The following PCDH7 variants were observed in gnomAD, a reference collection of about 807,000 sequenced individuals.
PCDH7 encodes the protein protocadherin 7, also known as protocadherin-7.
Under a neutral mutation model 58.9 loss-of-function variants are expected in PCDH7, and 17 were observed. The ratio of observed to expected loss-of-function variants is 0.29; its 90% confidence interval spans 0.20 to 0.43. The LOEUF is 0.43. PCDH7 is among the 20% of genes least tolerant of loss of function. The pLI is 1.00. For synonymous variants in PCDH7, 664 were observed against 616.4 expected, an observed-to-expected ratio of 1.08 and a Z score of -1.14; for missense variants, 1,274 against 1,441.0, an observed-to-expected ratio of 0.88 and a Z score of 1.88.
chr4:30,828,235 C>T (rs1234948300), intron 1 of PCDH7, among the ~76,000 whole-genome samples: 2 of 143,074 alleles, frequency 1.4e-5, no homozygotes, highest in East Asian at 3.9e-4. Flanking sequence ...ACAAAAATTA[C>T]CCTTAGTAAA....
At chr4:30,968,340 C>CTATATATA (rs200973688) in intron 3 of PCDH7, among the ~76,000 whole-genome samples, 2 of 83,478 alleles carry the variant, frequency 2.4e-5, no homozygotes, top group African/African-American at 6.0e-5. Flanking sequence ...TATACACACA[C>CTATATATA]TATATATATA....
intron 1 of PCDH7, among the ~76,000 whole-genome samples, chr4:30,915,604 AC>A (rs748303217): frequency 1.3e-5 from 2 of 151,920 alleles, no homozygotes; most frequent in Non-Finnish European, 2.9e-5. Context: ...GCTCACTGCA[AC>A]CTTTGCCTCC....
At chr4:30,793,074 G>A (rs1044812530) in intron 1 of PCDH7, among the ~76,000 whole-genome samples, 1 of 152,066 alleles carries the variant, frequency 6.6e-6, no homozygotes, top group Non-Finnish European at 1.5e-5. Context: ...AATTTATCAT[G>A]TGGGCCTTTT....
intron 3 of PCDH7, among the ~76,000 whole-genome samples, chr4:30,955,543 T>G (rs1349342042): frequency 2.6e-5 from 4 of 151,804 alleles, no homozygotes; most frequent in Admixed American, 6.6e-5. Flanking sequence ...TTTATTTCAT[T>G]TTATTTTATT....
chr4:30,984,535 C>T (rs1750814306), intron 3 of PCDH7, among the ~76,000 whole-genome samples: 1 of 152,180 alleles, frequency 6.6e-6, no homozygotes. Flanking sequence ...TCAATTAACT[C>T]TAAAGGCTGT....
At chr4:31,049,246 G>A (rs147537916) in intron 3 of PCDH7, among the ~76,000 whole-genome samples, 1,577 of 152,064 alleles carry the variant, frequency 0.01, 26 homozygotes, top group African/African-American at 0.037. Context: ...GAGAACATGC[G>A]GTGTTTGGTT....
intron 2 of PCDH7, among the ~76,000 whole-genome samples, chr4:30,927,378 G>C (rs12499716): frequency 6.6e-6 from 1 of 152,012 alleles, no homozygotes; most frequent in African/African-American, 2.4e-5. Flanking sequence ...CATTGAGAAC[G>C]GGCCATGATG....
chr4:30,799,857 C>CTTT (rs759901691), intron 1 of PCDH7, among the ~76,000 whole-genome samples: 1 of 144,382 alleles, frequency 6.9e-6, no homozygotes. Flanking sequence ...ATGAATATCA[C>CTTT]TTTTTTTTTT....
Position 30,739,160 on chromosome 4 carries a change from T to TTATA in PCDH7, c.70+14574_70+14577dup, listed in dbSNP as rs542316944. ...AAAATATATATATTTTATATATATATTATATATATATATCTGTGTTCCAGT... is the reference window on the plus strand; with the variant it reads ...AAAATATATATATTTTATATATATATTATATATATATATATATCTGTGTTCCAGT... On this transcript the variant is annotated intron_variant, in intron 1 of 3. Transcript: ENST00000509759. 2.9e-3 allele frequency among the ~76,000 whole-genome samples: 415 copies of TTATA among 145,432 alleles called. 4 individuals carry two copies. The highest frequency in any genetic ancestry group is 9.8e-3 in the African/African-American group (393 of 39,974).
intron 1 of PCDH7, among the ~76,000 whole-genome samples, chr4:30,909,839 C>T (rs1410047604): frequency 1.3e-5 from 2 of 151,960 alleles, no homozygotes; most frequent in South Asian, 2.1e-4. Flanking sequence ...AAATTTCATT[C>T]GGAGCCAAAA....
Position 31,013,565 on chromosome 4 carries a change from A to G in PCDH7, c.*7+63350A>G, listed in dbSNP as rs538588534. On this transcript the variant is annotated intron_variant, in intron 3 of 3. Coordinates refer to the PCDH7 transcript ENST00000509759. ...TTCATTATAGTCTCCTTTCCCAGAG[A>G]AAGAGTATGTCCATATATATATTTT... Among the ~76,000 whole-genome samples, 228 of 147,672 alleles carry G rather than the reference A, an allele frequency of 1.5e-3. 2 individuals are homozygous for G. The highest frequency in any genetic ancestry group is 5.6e-3 in the African/African-American group (219 of 39,308).
At chr4:31,024,918 T>C (rs2109175584) in intron 3 of PCDH7, among the ~76,000 whole-genome samples, 1 of 152,196 alleles carries the variant, frequency 6.6e-6, no homozygotes, top group East Asian at 1.9e-4. Context: ...AATTTTTGTA[T>C]TTTTAGTAGA....
intron 3 of PCDH7, among the ~76,000 whole-genome samples, chr4:30,992,818 T>C (rs1751568306): frequency 7.9e-6 from 1 of 127,064 alleles, no homozygotes; most frequent in African/African-American, 3.0e-5. Context: ...TTTTTTTTTT[T>C]GACGGAGTCT....
chr4:30,935,238 T>A (rs949387237), intron 2 of PCDH7: 3 of 543,206 alleles, frequency 5.5e-6, no homozygotes, highest in Admixed American at 1.3e-4. Context: ...TCTACAACAA[T>A]CTTTTTCCAC....
chr4:31,026,910 A>G (rs888157370), intron 3 of PCDH7, among the ~76,000 whole-genome samples: 1 of 152,194 alleles, frequency 6.6e-6, no homozygotes, highest in Non-Finnish European at 1.5e-5. Flanking sequence ...TTGGTTCATT[A>G]ATAAAAGTCA....
intron 1 of PCDH7, among the ~76,000 whole-genome samples, chr4:30,910,672 G>T (rs1454057448): frequency 6.6e-6 from 1 of 152,164 alleles, no homozygotes; most frequent in Non-Finnish European, 1.5e-5. Flanking sequence ...ATGCTGGAGA[G>T]GATGTGGAGA....
At chr4:30,733,158 G>T (rs185180239), downstream of PCDH7, among the ~76,000 whole-genome samples, 1 of 152,266 alleles carries the variant, frequency 6.6e-6, no homozygotes, top group African/African-American at 2.4e-5. Context: ...TGTGGACAAC[G>T]GACAGGTTTA....
intron 1 of PCDH7, among the ~76,000 whole-genome samples, chr4:30,802,410 T>C (rs541557287): frequency 6.6e-6 from 1 of 152,178 alleles, no homozygotes; most frequent in East Asian, 1.9e-4. Context: ...AGAGGAAGGA[T>C]GATCTCTTTT....
chr4:30,973,653 A>G (rs1441508882), intron 3 of PCDH7, among the ~76,000 whole-genome samples: 1 of 152,138 alleles, frequency 6.6e-6, no homozygotes, highest in Non-Finnish European at 1.5e-5. Flanking sequence ...ATAAAACTCC[A>G]TTGGGGCAAA....
Sources: allele counts gnomAD v4.1 joint callset (sites outside exome capture counted in the v4.1 genomes callset), GRCh38; gene constraint gnomAD v4.1.1; transcripts MANE v1.5; gene names NCBI Gene and HGNC (gene_info 2026-07-23, HGNC 2026-07-21).